Variants in PRR5L observed in about 807,000 individuals in gnomAD.
PRR5L encodes proline-rich protein 5-like.
In PRR5L, 21 loss-of-function variants were observed where a neutral mutation model predicts 36.4. That is an observed-to-expected ratio of 0.58 (90% CI 0.41 to 0.83). The LOEUF is 0.83. Among genes scored for constraint, PRR5L ranks in the 40% least tolerant of loss-of-function variants. The pLI is 0.00. For missense variants in PRR5L, 381 were observed against 473.3 expected (o/e 0.80, Z 1.81); for synonymous variants, 188 against 197.0 (o/e 0.95, Z 0.38).
intron 1 of PRR5L, among the ~76,000 whole-genome samples, chr11:36,339,520 T>A (rs933264840): frequency 3.9e-5 from 6 of 152,280 alleles, no homozygotes; most frequent in African/African-American, 1.4e-4. Context: ...TATTAACTTC[T>A]ATGTGCTAGG....
chr11:36,376,845 T>A, intron 1 of PRR5L: 1 of 519,552 alleles, frequency 1.9e-6, no homozygotes, highest in Non-Finnish European at 2.5e-6. Context: ...AAGTGTCACG[T>A]TTGGGGGGGC....
chr11:36,387,995 A>G (rs1261707311), intron 1 of PRR5L: 1 of 152,230 alleles, frequency 6.6e-6, no homozygotes, highest in Non-Finnish European at 1.5e-5. Flanking sequence ...CAAACACCAG[A>G]TCGGATTGAG....
chr11:36,340,529 AC>A (rs1295670858), intron 1 of PRR5L, among the ~76,000 whole-genome samples: 2 of 152,236 alleles, frequency 1.3e-5, no homozygotes, highest in Non-Finnish European at 2.9e-5. Flanking sequence ...GGGAAGAGGT[AC>A]TGTTACACTG....
At chr11:36,405,715 AAAC>A (rs1156251894) in intron 3 of PRR5L, among the ~76,000 whole-genome samples, 2 of 152,250 alleles carry the variant, frequency 1.3e-5, no homozygotes, top group Admixed American at 1.3e-4. Context: ...TGGATGACTT[AAAC>A]AACAAAAATT....
chr11:36,372,366 G>T (rs1027318320), intron 1 of PRR5L, among the ~76,000 whole-genome samples: 1 of 150,288 alleles, frequency 6.7e-6, no homozygotes, highest in Middle Eastern at 3.2e-3. Flanking sequence ...TCTGAAAGGT[G>T]GTTTTGATCA....
At chr11:36,418,667 G>A (rs1310529777) in intron 3 of PRR5L, among the ~76,000 whole-genome samples, 1 of 151,996 alleles carries the variant, frequency 6.6e-6, no homozygotes, top group Non-Finnish European at 1.5e-5. Flanking sequence ...ATGGTGGCGG[G>A]CGCCTGTGGT....
At chr11:36,341,850 C>T (rs1856820195) in intron 1 of PRR5L, among the ~76,000 whole-genome samples, 1 of 152,088 alleles carries the variant, frequency 6.6e-6, no homozygotes, top group Non-Finnish European at 1.5e-5. Flanking sequence ...AGAGCCAGTG[C>T]TTAATGGCTC....
intron 3 of PRR5L, among the ~76,000 whole-genome samples, chr11:36,410,150 G>T (rs912298635): frequency 6.6e-6 from 1 of 152,190 alleles, no homozygotes; most frequent in African/African-American, 2.4e-5. Context: ...TTGGCTTTCA[G>T]GTTAAGAAGG....
intron 1 of PRR5L, chr11:36,376,458 G>C: frequency 8.8e-7 from 1 of 1,138,410 alleles, no homozygotes; most frequent in Non-Finnish European, 1.1e-6. Context: ...GTTGACTCGC[G>C]CTGGAGAGGA....
intron 4 of PRR5L, among the ~76,000 whole-genome samples, chr11:36,426,339 T>C (rs1590575181): frequency 6.6e-6 from 1 of 152,228 alleles, no homozygotes; most frequent in African/African-American, 2.4e-5. Flanking sequence ...TTAGAACACT[T>C]ACTTTGTTAG....
At chr11:36,431,138 C>T (rs1345046908) in intron 4 of PRR5L, among the ~76,000 whole-genome samples, 7 of 152,068 alleles carry the variant, frequency 4.6e-5, no homozygotes, top group Admixed American at 6.5e-5. Flanking sequence ...TGGAAGGCAG[C>T]GAAGTGGAGT....
chr11:36,318,366 C>T (rs142488614), intron 1 of PRR5L, among the ~76,000 whole-genome samples: 2 of 152,168 alleles, frequency 1.3e-5, no homozygotes, highest in East Asian at 3.9e-4. Flanking sequence ...CTATTTACAC[C>T]ATATTGCTTG....
At chr11:36,303,922 A>G (rs956792144) in intron 1 of PRR5L, among the ~76,000 whole-genome samples, 1 of 152,182 alleles carries the variant, frequency 6.6e-6, no homozygotes, top group Non-Finnish European at 1.5e-5. Flanking sequence ...CTTATTGATC[A>G]GGGTGGGATG....
chr11:36,424,354 G>A (rs1030001888), intron 4 of PRR5L, among the ~76,000 whole-genome samples: 4 of 152,122 alleles, frequency 2.6e-5, no homozygotes, highest in African/African-American at 9.7e-5. Flanking sequence ...ATGGAAGTGT[G>A]GTATTCTACA....
intron 1 of PRR5L, among the ~76,000 whole-genome samples, chr11:36,308,842 G>T (rs1018186300): frequency 1.3e-5 from 2 of 152,214 alleles, no homozygotes; most frequent in African/African-American, 4.8e-5. Flanking sequence ...ACAGCCAACA[G>T]AAGAGCATAA....
chr11:36,310,138 T>A (rs1031040177), intron 1 of PRR5L, among the ~76,000 whole-genome samples: 4 of 152,052 alleles, frequency 2.6e-5, no homozygotes, highest in African/African-American at 9.7e-5. Flanking sequence ...GTACCCCAAT[T>A]TACTCTGTCC....
At chr11:36,353,065 C>T (rs866409571) in intron 1 of PRR5L, among the ~76,000 whole-genome samples, 5 of 152,218 alleles carry the variant, frequency 3.3e-5, no homozygotes, top group African/African-American at 1.2e-4. Context: ...TCATAGCCCA[C>T]TGCAACCTCA....
At chr11:36,311,909 A>G (rs757835352) in intron 1 of PRR5L, among the ~76,000 whole-genome samples, 7 of 152,224 alleles carry the variant, frequency 4.6e-5, no homozygotes, top group Admixed American at 6.5e-5. Flanking sequence ...TTAATACATT[A>G]TGGTAAATCC....
intron 1 of PRR5L, among the ~76,000 whole-genome samples, chr11:36,315,535 A>C (rs1856546717): frequency 6.6e-6 from 1 of 152,218 alleles, no homozygotes; most frequent in African/African-American, 2.4e-5. Flanking sequence ...ATTTCATTTG[A>C]AAATCTGAAC....
Sources: allele counts gnomAD v4.1 joint callset (sites outside exome capture counted in the v4.1 genomes callset), GRCh38; gene constraint gnomAD v4.1.1; transcripts MANE v1.5; gene names NCBI Gene and HGNC (gene_info 2026-07-23, HGNC 2026-07-21).